The following BCLAF3 variants were observed in gnomAD, a reference collection of about 807,000 sequenced individuals.
BCLAF3 encodes the protein BCLAF1 and THRAP3 family member 3.
A neutral mutation model predicts 51.2 loss-of-function variants in BCLAF3; 24 were observed. That is an observed-to-expected ratio of 0.47 (90% CI 0.34 to 0.66). BCLAF3 has a LOEUF of 0.66. BCLAF3 is among the 30% of genes least tolerant of loss of function. The pLI is 0.01. For missense variants in BCLAF3, 465 were observed against 525.1 expected, an observed-to-expected ratio of 0.89 and a Z score of 1.12; for synonymous variants, 152 against 176.6, an observed-to-expected ratio of 0.86 and a Z score of 1.10.
chrX:19,970,393 G>A, intron 1 of BCLAF3, 95 bp from the exon 2 acceptor site: 2 of 692,679 alleles, frequency 2.9e-6, no homozygotes, highest in Non-Finnish European at 2.2e-6. Context: ...AACCCTTTGT[G>A]CCTCAGCTTC....
intron 1 of BCLAF3, among the ~76,000 whole-genome samples, chrX:19,973,880 T>C (rs2072331622): frequency 8.9e-6 from 1 of 112,383 alleles, no homozygotes; most frequent in African/African-American, 3.2e-5. Flanking sequence ...ATTAAGATCA[T>C]AGCCATTTGA....
At chrX:19,954,181 C>T in intron 5 of BCLAF3, 4 of 754,126 alleles carry the variant, frequency 5.3e-6, no homozygotes, top group Non-Finnish European at 6.3e-6. Context: ...AAGCAAGGAC[C>T]TTTCTTCTCC....
At chrX:19,974,300 G>A (rs1042560245) in intron 1 of BCLAF3, among the ~76,000 whole-genome samples, 1 of 112,220 alleles carries the variant, frequency 8.9e-6, no homozygotes, top group African/African-American at 3.2e-5. Context: ...ATTCCATGCA[G>A]GAATATACAC....
intron 1 of BCLAF3, among the ~76,000 whole-genome samples, chrX:19,981,530 C>G (rs1379836064): frequency 5.4e-5 from 6 of 111,761 alleles, no homozygotes; most frequent in Non-Finnish European, 1.1e-4. Flanking sequence ...GGCAGTTCCC[C>G]CACAAGTTAA....
chrX:19,967,960 C>T (rs2072116423), intron 2 of BCLAF3, among the ~76,000 whole-genome samples: 1 of 112,128 alleles, frequency 8.9e-6, no homozygotes, highest in Non-Finnish European at 1.9e-5. Flanking sequence ...GCTGGCTACA[C>T]CTCATCACAG....
In BCLAF3 at chrX:19,965,243, C is replaced by T; in HGVS notation, c.1075G>A (p.Asp359Asn). The change falls in exon 4 of 12, where the codon GAT (aspartate) becomes AAT (asparagine). Residue 359 changes from aspartate (D) to asparagine (N), a missense_variant. Physicochemically the swap from Asp to Asn is conservative, Grantham distance 23 (BLOSUM62 1). Transcript: ENST00000379682. The part of the protein sequence containing the change: ...SIACTYSNKN[D>N]VDLRSSNDKW... ...TCATTACTAGATCGCAAATCAACAT[C>T]ATTTTTATTTGAATAAGTACAGGCA... is the stretch of plus-strand genomic sequence containing the variant. The T allele has an allele frequency of 1.7e-6, 2 of 1,207,691 alleles. No individual in the cohort carries two copies. The highest frequency in any genetic ancestry group is 2.2e-6 in the Non-Finnish European group (2 of 894,082).
rs1230094791 is a variant in BCLAF3, at chrX:19,966,092, G to T, written c.599C>A (p.Ser200Ter). The change falls in exon 3 of 12, where the codon TCA becomes TAA. Residue 200 changes from serine (S) to a stop codon, truncating the protein, a stop_gained. Transcript: ENST00000379682. LOFTEE classifies it high-confidence loss of function. The stretch of plus-strand genomic sequence containing the variant: ...TGTTTTCCTATACCTCTTCTGAAAT[G>T]AGCTCCTTGTCTCAAAGTCTTCAGA... ...RGSEDFETRSSFQKRYPEDRD... is the reference protein window; with the variant it reads ...RGSEDFETRS 1 of 1,206,792 alleles carries T rather than the reference G, an allele frequency of 8.3e-7. No homozygotes were observed.
intron 4 of BCLAF3, among the ~76,000 whole-genome samples, chrX:19,960,792 C>T (rs1048964107): frequency 9.0e-6 from 1 of 111,613 alleles, no homozygotes; most frequent in African/African-American, 3.3e-5. Flanking sequence ...GGGCCCATCC[C>T]CCACCTCATC....
In BCLAF3 at chrX:19,913,256, T is replaced by G. The variant is rs1304752188; in HGVS notation, c.*4049A>C. ...GCCCGGCTAATTTATGTATTTTTAT[T>G]AGAGATGGGGTTTCACCATATTGGC... On this transcript the variant is annotated 3_prime_UTR_variant, in exon 12 of 12. Coordinates refer to ENST00000379682, the MANE Select transcript of BCLAF3 (RefSeq NM_001367774.2). The G allele has an allele frequency of 9.0e-6, 1 of 111,142 alleles. No homozygotes were observed. Among genetic ancestry groups the G allele is most frequent in the African/African-American group, 3.3e-5 (1 of 30,541 alleles). 9.2% of individuals were successfully genotyped at this position (111,142 alleles called of 1,213,427 possible). A position where few individuals can be genotyped will look rare whatever the true frequency, so the allele number is the denominator to read the frequency against.
At chrX:19,988,302 C>A (rs1329474286) in intron 1 of BCLAF3, among the ~76,000 whole-genome samples, 1 of 112,227 alleles carries the variant, frequency 8.9e-6, no homozygotes, top group East Asian at 2.7e-4. Flanking sequence ...AATTTCATAA[C>A]CCTGATAAAG....
At position 19,914,467 on chromosome X, in the gene BCLAF3, C is replaced by T. The variant is rs1219651957; in HGVS notation, c.*2838G>A. ...AATAAGAGTTTCTCATCCAGCTTTA[C>T]TTTTCTTGCTTCTGCCTGGAAGTAT... On this transcript the variant is annotated 3_prime_UTR_variant, in exon 12 of 12. Transcript: ENST00000379682. 9.3e-6 allele frequency: 1 copy of T among 107,975 alleles called. No individual in the cohort carries two copies. The highest frequency in any genetic ancestry group is 1.9e-5 in the Non-Finnish European group (1 of 52,270). 8.9% of individuals were successfully genotyped at this position (107,975 alleles called of 1,213,427 possible). A position where few individuals can be genotyped will look rare whatever the true frequency, so the allele number is the denominator to read the frequency against.
rs375856424 is a variant in BCLAF3 at position 19,988,209 on chromosome X, C to T, written c.-35+2699G>A. Among the ~76,000 whole-genome samples, 17 of 112,124 alleles carry T rather than the reference C, an allele frequency of 1.5e-4. 1 individual carries two copies. In the South Asian group the frequency reaches 5.5e-3, roughly 36 times the overall value. On this transcript the variant is annotated intron_variant, in intron 1 of 11. Transcript: ENST00000379682. ...AGCCCAAGTACTGTGTTTTATTTAG[C>T]GTTATACCTGTCCCTCTCAGCTTTA...
intron 8 of BCLAF3, among the ~76,000 whole-genome samples, chrX:19,949,525 G>T (rs1030719789): frequency 2.7e-5 from 3 of 112,320 alleles, no homozygotes; most frequent in African/African-American, 9.7e-5. Context: ...ATGATAGAGA[G>T]CTTGTGTCAT....
chrX:19,939,477 A>G (rs2070913045), intron 8 of BCLAF3, among the ~76,000 whole-genome samples: 3 of 112,100 alleles, frequency 2.7e-5, no homozygotes, highest in Non-Finnish European at 5.6e-5. Context: ...AAATTTCTCC[A>G]AAGACATACC....
intron 8 of BCLAF3, among the ~76,000 whole-genome samples, chrX:19,947,176 C>G (rs1443592254): frequency 8.9e-6 from 1 of 112,094 alleles, no homozygotes. Flanking sequence ...ACTGCAATAG[C>G]AAGAACAAAA....
chrX:19,959,491 C>G (rs779041848), intron 4 of BCLAF3, among the ~76,000 whole-genome samples: 3 of 111,349 alleles, frequency 2.7e-5, no homozygotes, highest in Non-Finnish European at 3.8e-5. Flanking sequence ...TGCGGTGGCT[C>G]ACGCCTGTAA....
At chrX:19,977,696 G>A (rs373025895) in intron 1 of BCLAF3, among the ~76,000 whole-genome samples, 1 of 112,553 alleles carries the variant, frequency 8.9e-6, no homozygotes, top group East Asian at 2.8e-4. Flanking sequence ...TGATGAAGGT[G>A]GTTACATTAA....
intron 4 of BCLAF3, among the ~76,000 whole-genome samples, chrX:19,956,732 T>C (rs1469318028): frequency 2.7e-5 from 3 of 111,507 alleles, no homozygotes; most frequent in African/African-American, 9.8e-5. Flanking sequence ...GTTCACTGTC[T>C]AAAGAATTGA....
rs747261416 is a variant in BCLAF3 at position 19,937,427 on chromosome X, T to C, written c.1851A>G (p.Lys617=). Residue 617 remains lysine, a synonymous_variant, in exon 9 of 12, where the codon AAA becomes AAG. Transcript: ENST00000379682. ...IKSNFRKCIE[K]PYMNYTTQRK... ...GGAACTGCAATCTTACCATGTAAGG[T>C]TTTTCAATACATTTTCTAAAATTTG... The C allele has an allele frequency of 2.2e-5, 25 of 1,123,886 alleles. No individual in the cohort carries two copies. Among genetic ancestry groups the C allele is most frequent in the Non-Finnish European group, 3.0e-5 (25 of 821,727 alleles). 92.6% of individuals were successfully genotyped at this position (1,123,886 alleles called of 1,213,427 possible).
Sources: allele counts gnomAD v4.1 joint callset (sites outside exome capture counted in the v4.1 genomes callset), GRCh38; gene constraint gnomAD v4.1.1; transcripts MANE v1.5; gene names NCBI Gene and HGNC (gene_info 2026-07-23, HGNC 2026-07-21).